Variants in ZNF236 observed in about 807,000 individuals in gnomAD.
ZNF236 encodes the protein zinc finger protein 236, also known as regulated by glucose.
ZNF236 carries 50 observed loss-of-function variants against 191.2 expected under a neutral mutation model. The ratio of observed to expected loss-of-function variants is 0.26; its 90% CI spans 0.21 to 0.33. The LOEUF is 0.33. ZNF236 is among the 10% of genes least tolerant of loss of function. ZNF236 has a pLI of 1.00. For missense variants in ZNF236, 1,754 were observed against 2,374.5 expected (o/e 0.74, Z 5.43); for synonymous variants, 907 against 928.8 (o/e 0.98, Z 0.43).
Position 76,880,079 on chromosome 18 carries a change from T to A in ZNF236, c.985-34T>A. On this transcript the variant is annotated intron_variant, in intron 7 of 30. Coordinates refer to ENST00000320610, the MANE Select transcript of ZNF236 (RefSeq NM_001306089.2). The surrounding 1 kb of genome is among the most constrained non-coding windows in gnomAD (Gnocchi z 5.0). Reference sequence around the variant, plus strand: ...TTCCTTTTTAAATTGAAGAGCAAAATTGTATTTTTAATGAAAATGTTTCTG... The same window carrying A: ...TTCCTTTTTAAATTGAAGAGCAAAAATGTATTTTTAATGAAAATGTTTCTG... 6.4e-7 allele frequency: 1 copy of A among 1,560,138 alleles called. No homozygotes were observed. The highest frequency in any genetic ancestry group is 1.4e-5 in the African/African-American group (1 of 72,548).
chr18:76,848,742 T>A (rs1203565948), intron 1 of ZNF236, among the ~76,000 whole-genome samples: 1 of 152,166 alleles, frequency 6.6e-6, no homozygotes, highest in African/African-American at 2.4e-5. Flanking sequence ...CATCGGTCAC[T>A]ACGCCCCGAA....
At chr18:76,898,567 C>T (rs1047012886) in intron 10 of ZNF236, among the ~76,000 whole-genome samples, 2 of 152,216 alleles carry the variant, frequency 1.3e-5, no homozygotes, top group African/African-American at 4.8e-5. Flanking sequence ...TCATCATTTA[C>T]AATCAGTGAC....
intron 10 of ZNF236, among the ~76,000 whole-genome samples, chr18:76,897,310 GT>G (rs951988352): frequency 2.0e-5 from 3 of 151,658 alleles, no homozygotes; most frequent in African/African-American, 7.3e-5. Context: ...GTACCAAACA[GT>G]ACTGCACACA....
rs145274469 is a variant in ZNF236 at position 76,895,784 on chromosome 18, C to T, written c.1690+499C>T. Among the ~76,000 whole-genome samples, 438 of 151,398 alleles carry T rather than the reference C, an allele frequency of 2.9e-3. 2 individuals carry two copies. The highest frequency in any genetic ancestry group is 0.017 in the Middle Eastern group (5 of 294). ...AAAGTACCAAACACATAGTACTGCA[C>T]ATAGTACCCAGCACAGCACTTTGCA... is the stretch of plus-strand genomic sequence containing the variant. On this transcript the variant is annotated intron_variant, in intron 10 of 30. Transcript: ENST00000320610.
chr18:76,852,390 A>T (rs188314990), intron 3 of ZNF236, among the ~76,000 whole-genome samples: 105 of 152,296 alleles, frequency 6.9e-4, no homozygotes, highest in Admixed American at 5.2e-3. Flanking sequence ...TATACACCAA[A>T]GTGACCACTC....
At chr18:76,864,904 A>C (rs1568202000) in intron 3 of ZNF236, among the ~76,000 whole-genome samples, 1 of 152,124 alleles carries the variant, frequency 6.6e-6, no homozygotes, top group Non-Finnish European at 1.5e-5. Context: ...AATCAAAATG[A>C]ATTCTAAGAA....
chr18:76,946,055 G>A (rs1968252516), intron 26 of ZNF236, among the ~76,000 whole-genome samples: 2 of 152,238 alleles, frequency 1.3e-5, no homozygotes, highest in Non-Finnish European at 2.9e-5. Flanking sequence ...TGCCATCTCA[G>A]TCCTATTTTT....
intron 25 of ZNF236, among the ~76,000 whole-genome samples, chr18:76,928,314 C>T (rs1182430959): frequency 1.3e-5 from 2 of 152,210 alleles, no homozygotes; most frequent in East Asian, 3.9e-4. Flanking sequence ...TTTCTCATGT[C>T]ACTTCCAGTT....
chr18:76,934,093 T>G (rs1441780431), intron 25 of ZNF236, among the ~76,000 whole-genome samples: 1 of 152,254 alleles, frequency 6.6e-6, no homozygotes, highest in Admixed American at 6.5e-5. Flanking sequence ...TTTTTGATTC[T>G]CTATGCAAGC....
intron 3 of ZNF236, among the ~76,000 whole-genome samples, chr18:76,868,201 G>C (rs1372340566): frequency 6.6e-6 from 1 of 152,122 alleles, no homozygotes; most frequent in Non-Finnish European, 1.5e-5. Flanking sequence ...CCTGCACTCT[G>C]CTCTGCCTCT....
chr18:76,836,436 A>G (rs1214080328), intron 1 of ZNF236, among the ~76,000 whole-genome samples: 1 of 151,662 alleles, frequency 6.6e-6, no homozygotes, highest in East Asian at 1.9e-4. Flanking sequence ...TGTTGCCCTT[A>G]AACGCCTGGC....
intron 14 of ZNF236, among the ~76,000 whole-genome samples, 171 bp downstream of exon 14, chr18:76,908,744 G>A (rs1257111049): frequency 6.6e-6 from 1 of 152,126 alleles, no homozygotes; most frequent in Non-Finnish European, 1.5e-5. Context: ...TCTTAAATTA[G>A]ATTTTTACTT....
rs36034765 is a variant in ZNF236 at position 76,925,532 on chromosome 18, T to C, written c.4005T>C (p.Ala1335=). ...TGCAACCAGGACTGGTGGGCCAAGC[T>C]ATTCTCCCTGCCTCTGTGTCAGGTA... ...NLLQPGLVGQ[A]ILPASVSAGG... Residue 1335 remains alanine, a synonymous_variant, in exon 22 of 31, where the codon GCT becomes GCC. Transcript: ENST00000320610. The surrounding 1 kb of genome is among the most constrained non-coding windows in gnomAD (Gnocchi z 5.7). 1.9e-6 allele frequency: 3 copies of C among 1,613,468 alleles called. No individual in the cohort carries two copies. Among genetic ancestry groups the C allele is most frequent in the East Asian group, 2.2e-5 (1 of 44,882 alleles).
chr18:76,873,470 A>G (rs1406479281), intron 5 of ZNF236, among the ~76,000 whole-genome samples: 1 of 152,182 alleles, frequency 6.6e-6, no homozygotes, highest in East Asian at 1.9e-4. Context: ...AGCAGGTCCC[A>G]GCCCCAGGAG....
intron 1 of ZNF236, among the ~76,000 whole-genome samples, chr18:76,823,096 G>T (rs1165733073): frequency 6.6e-6 from 1 of 150,730 alleles, no homozygotes; most frequent in Non-Finnish European, 1.5e-5. Flanking sequence ...TGCGGATACC[G>T]CGCCCCGGGC....
chr18:76,955,767 G>A (rs1240959419), intron 27 of ZNF236, among the ~76,000 whole-genome samples: 1 of 152,178 alleles, frequency 6.6e-6, no homozygotes, highest in East Asian at 1.9e-4. Context: ...CTTAGCTGCT[G>A]TTGTGTGGTC....
At position 76,968,570 on chromosome 18, in the gene ZNF236, T is replaced by C. The variant is rs1298668750; in HGVS notation, c.*231T>C. 1 of 1,289,054 alleles carries C rather than the reference T, an allele frequency of 7.8e-7. No homozygotes were observed. The highest frequency in any genetic ancestry group is 1.6e-5 in the African/African-American group (1 of 63,852). 79.9% of individuals were successfully genotyped at this position (1,289,054 alleles called of 1,614,324 possible). A position where few individuals can be genotyped will look rare whatever the true frequency, so the allele number is the denominator to read the frequency against. On this transcript the variant is annotated 3_prime_UTR_variant, in exon 31 of 31. Coordinates refer to ENST00000320610, the MANE Select transcript of ZNF236 (RefSeq NM_001306089.2). ...TCTACAAATCACTGAACTCAGGTAC[T>C]ACTGTAGGCAGTTTCCTCCTCAGTC...
chr18:76,834,979 T>G (rs952184508), intron 1 of ZNF236: 16 of 56,412 alleles, frequency 2.8e-4, no homozygotes, highest in African/African-American at 8.8e-4. Context: ...TTATTTTCTG[T>G]TTTTTTTTTT....
intron 26 of ZNF236, among the ~76,000 whole-genome samples, chr18:76,942,079 G>A (rs2122896235): frequency 6.6e-6 from 1 of 152,344 alleles, no homozygotes; most frequent in African/African-American, 2.4e-5. Context: ...TTAGAAGGTG[G>A]TCAAGAGAAA....
Sources: gnomAD v4.1 joint callset for allele counts (sites outside exome capture counted in the v4.1 genomes callset) on GRCh38, gnomAD v4.1.1 for gene constraint, Gnocchi (gnomAD v3.1) non-coding constraint, MANE v1.5 for transcripts, NCBI Gene and HGNC (gene_info 2026-07-23, HGNC 2026-07-21) for gene names.